Variants in FAF1 observed in about 807,000 individuals in gnomAD.
FAF1 encodes FAS-associated factor 1.
In FAF1, 25 loss-of-function variants were observed where a neutral mutation model predicts 92.5. The observed-to-expected ratio is 0.27, with a 90% confidence interval of 0.20 to 0.38. The LOEUF is 0.38. FAF1 is among the 10% of genes least tolerant of loss of function. The probability of loss-of-function intolerance (pLI) is 1.00; values close to 1 mark genes in which losing one functional copy is unlikely to be tolerated. For synonymous variants in FAF1, 234 were observed against 273.2 expected, an observed-to-expected ratio of 0.86 and a Z score of 1.42; for missense variants, 636 against 793.3, an observed-to-expected ratio of 0.80 and a Z score of 2.38.
At chr1:50,864,795 G>A (rs186908962) in intron 1 of FAF1, among the ~76,000 whole-genome samples, 5 of 151,970 alleles carry the variant, frequency 3.3e-5, no homozygotes, top group Admixed American at 1.3e-4. Flanking sequence ...GACTTCATGT[G>A]TAAAACACCA....
chr1:50,494,955 ATTTAC>A (rs1239283149), intron 15 of FAF1, among the ~76,000 whole-genome samples: 1 of 152,086 alleles, frequency 6.6e-6, no homozygotes, highest in Non-Finnish European at 1.5e-5. Context: ...TAGAATTATA[ATTTAC>A]TTATTTTTAG....
At chr1:50,949,563 A>G (rs1645197754) in intron 1 of FAF1, among the ~76,000 whole-genome samples, 1 of 152,202 alleles carries the variant, frequency 6.6e-6, no homozygotes, top group Admixed American at 6.5e-5. Context: ...AGCAGGGTAA[A>G]TATTTTAGGC....
chr1:50,699,484 A>T (rs1047639988), intron 7 of FAF1, among the ~76,000 whole-genome samples: 1 of 151,810 alleles, frequency 6.6e-6, no homozygotes, highest in Non-Finnish European at 1.5e-5. Flanking sequence ...GTACTTTATT[A>T]CATTACATAT....
At chr1:50,902,028 G>A (rs550075959) in intron 1 of FAF1, among the ~76,000 whole-genome samples, 3 of 152,258 alleles carry the variant, frequency 2.0e-5, no homozygotes, top group Admixed American at 2.0e-4. Context: ...ATTTTCATTA[G>A]GAAATAATGA....
intron 13 of FAF1, among the ~76,000 whole-genome samples, chr1:50,543,122 C>T (rs1035041689): frequency 2.6e-5 from 4 of 151,978 alleles, no homozygotes; most frequent in African/African-American, 9.7e-5. Context: ...ATCTTGTTAA[C>T]GGAAACCAGG....
rs565376252 is a variant in FAF1 at position 50,864,847 on chromosome 1, A to C, written c.46-6850T>G. Among the ~76,000 whole-genome samples the C allele has an allele frequency of 2.4e-3, 360 of 152,206 alleles. 1 individual carries two copies. The highest frequency in any genetic ancestry group is 8.3e-3 in the African/African-American group (346 of 41,560). On this transcript the variant is annotated intron_variant, in intron 1 of 18. Transcript: ENST00000396153. Reference sequence around the variant, plus strand: ...AAGCCAAAATTGACAAATGGGATCTAATTAAACTAAAGAGCTTCTGCACAG... The same window carrying C: ...AAGCCAAAATTGACAAATGGGATCTCATTAAACTAAAGAGCTTCTGCACAG...
intron 4 of FAF1, among the ~76,000 whole-genome samples, chr1:50,772,777 T>TA (rs1481294304): frequency 6.6e-6 from 1 of 152,068 alleles, no homozygotes; most frequent in Non-Finnish European, 1.5e-5. Context: ...GGTGATGAAA[T>TA]AATCTGCACA....
intron 4 of FAF1, among the ~76,000 whole-genome samples, chr1:50,781,632 T>G (rs1293720892): frequency 6.6e-6 from 1 of 152,198 alleles, no homozygotes; most frequent in Non-Finnish European, 1.5e-5. Context: ...AACTGAGGAC[T>G]TGAACAATGC....
intron 1 of FAF1, among the ~76,000 whole-genome samples, chr1:50,922,403 G>A: frequency 8.6e-6 from 1 of 116,412 alleles, no homozygotes; most frequent in Non-Finnish European, 1.6e-5. Flanking sequence ...AGGTTGTAGT[G>A]AACCAAGATC....
intron 8 of FAF1, among the ~76,000 whole-genome samples, chr1:50,602,774 T>G (rs1341404948): frequency 6.6e-6 from 1 of 152,138 alleles, no homozygotes; most frequent in African/African-American, 2.4e-5. Flanking sequence ...AATGCTGGGA[T>G]TACAGATAGG....
At chr1:50,663,773 G>T (rs1488010932) in intron 7 of FAF1, among the ~76,000 whole-genome samples, 1 of 151,510 alleles carries the variant, frequency 6.6e-6, no homozygotes, top group African/African-American at 2.4e-5. Flanking sequence ...CAAGTTTACT[G>T]ATACTAAAAT....
At chr1:50,809,169 TAGAA>T (rs1216322378) in intron 2 of FAF1, among the ~76,000 whole-genome samples, 7 of 152,002 alleles carry the variant, frequency 4.6e-5, no homozygotes, top group Admixed American at 3.3e-4. Context: ...AGCAAAAAGT[TAGAA>T]AGACCTCAAA....
chr1:50,845,996 C>T (rs868164250), intron 2 of FAF1, among the ~76,000 whole-genome samples: 1 of 151,672 alleles, frequency 6.6e-6, no homozygotes, highest in Non-Finnish European at 1.5e-5. Context: ...TGGTGGGGCA[C>T]GCCTGTAATC....
At chr1:50,465,833 T>C (rs1646487531) in intron 18 of FAF1, among the ~76,000 whole-genome samples, 1 of 152,116 alleles carries the variant, frequency 6.6e-6, no homozygotes, top group Admixed American at 6.5e-5. Context: ...ACTATTTCAG[T>C]AGAAGAAAGT....
At chr1:50,441,798 G>A (rs1322229451) in intron 18 of FAF1, among the ~76,000 whole-genome samples, 1 of 151,992 alleles carries the variant, frequency 6.6e-6, no homozygotes, top group Non-Finnish European at 1.5e-5. Flanking sequence ...CAGAACAGGG[G>A]GCCCTTGGGA....
chr1:50,941,745 A>T (rs529699588), intron 1 of FAF1, among the ~76,000 whole-genome samples: 29 of 152,340 alleles, frequency 1.9e-4, no homozygotes, highest in African/African-American at 7.0e-4. Flanking sequence ...GCATAACAAT[A>T]GAAGGGAAAT....
At chr1:50,919,273 G>A (rs141897361) in intron 1 of FAF1, among the ~76,000 whole-genome samples, 5 of 151,516 alleles carry the variant, frequency 3.3e-5, no homozygotes, top group Non-Finnish European at 5.9e-5. Flanking sequence ...AAACAGTAAC[G>A]GTTTTCATGC....
chr1:50,708,583 G>A (rs1379810299), intron 6 of FAF1, among the ~76,000 whole-genome samples: 2 of 151,958 alleles, frequency 1.3e-5, no homozygotes, highest in Non-Finnish European at 2.9e-5. Flanking sequence ...AGAGAGCCCA[G>A]AGCAGGAGAG....
chr1:50,665,909 G>A (rs910500179), intron 7 of FAF1, among the ~76,000 whole-genome samples: 3 of 152,064 alleles, frequency 2.0e-5, no homozygotes, highest in African/African-American at 4.8e-5. Context: ...AGGTGCAGAG[G>A]ATCACACCTG....
Sources: allele counts gnomAD v4.1 joint callset (sites outside exome capture counted in the v4.1 genomes callset), GRCh38; gene constraint gnomAD v4.1.1; transcripts MANE v1.5; gene names NCBI Gene and HGNC (gene_info 2026-07-23, HGNC 2026-07-21).